Variants in PLAA observed in about 807,000 individuals in gnomAD.
PLAA encodes the protein phospholipase A2 activating protein.
In PLAA, 48 loss-of-function variants were observed where a neutral mutation model predicts 84.1. That is an observed-to-expected ratio of 0.57 (90% confidence interval 0.45 to 0.73). The LOEUF is 0.73. Among genes scored for constraint, PLAA ranks in the 30% least tolerant of loss-of-function variants. The pLI is 0.00. For missense variants in PLAA, 903 were observed against 954.7 expected (o/e 0.95, Z 0.71); for synonymous variants, 392 against 336.6 (o/e 1.16, Z -1.80).
intron 6 of PLAA, among the ~76,000 whole-genome samples, chr9:26,924,440 T>C (rs893715232): frequency 1.3e-5 from 2 of 152,164 alleles, no homozygotes; most frequent in African/African-American, 4.8e-5. Flanking sequence ...GGCCTTCTTA[T>C]TGCTTTCAAT....
chr9:26,940,892 T>A (rs1825513378), intron 1 of PLAA, among the ~76,000 whole-genome samples: 1 of 152,166 alleles, frequency 6.6e-6, no homozygotes, highest in African/African-American at 2.4e-5. Context: ...AACCATTTTA[T>A]CAATAAGCCC....
chr9:26,947,076 G>C lies in PLAA; in HGVS notation c.-31C>G. ...GTGTCTGTCTGGCGCCCGGTGCCCA[G>C]GCACTGTGCGAGACCAGTCCGCAGG... On this transcript the variant is annotated 5_prime_UTR_variant, in exon 1 of 14. Coordinates refer to ENST00000397292, the MANE Select transcript of PLAA (RefSeq NM_001031689.3). The C allele has an allele frequency of 1.3e-6, 2 of 1,541,122 alleles. No individual in the cohort carries two copies. The highest frequency in any genetic ancestry group is 1.7e-6 in the Non-Finnish European group (2 of 1,144,538).
chr9:26,924,266 G>A (rs1484225367), intron 6 of PLAA, among the ~76,000 whole-genome samples: 1 of 151,970 alleles, frequency 6.6e-6, no homozygotes, highest in East Asian at 1.9e-4. Context: ...GAGCAGCTGG[G>A]ACTACAAATG....
intron 1 of PLAA, among the ~76,000 whole-genome samples, chr9:26,935,425 T>C (rs549256595): frequency 1.6e-4 from 25 of 152,178 alleles, no homozygotes; most frequent in African/African-American, 5.6e-4. Context: ...GTTTCTTTGA[T>C]AAGAATACGT....
At position 26,947,059 on chromosome 9, in the gene PLAA, C is replaced by T. The variant is rs1254727364; in HGVS notation, c.-14G>A. 2 of 1,564,036 alleles carry T rather than the reference C, an allele frequency of 1.3e-6. No homozygotes were observed. The highest frequency in any genetic ancestry group is 1.2e-5 in the South Asian group (1 of 83,980). On this transcript the variant is annotated 5_prime_UTR_variant, in exon 1 of 14. Coordinates refer to ENST00000397292, the MANE Select transcript of PLAA (RefSeq NM_001031689.3). ...GCCGCTCGTCATGGCCAGTGTCTGT[C>T]TGGCGCCCGGTGCCCAGGCACTGTG...
rs2131367219 is a variant in PLAA, at chr9:26,910,455, A to T, written c.1556-16T>A. 1.3e-6 allele frequency: 2 copies of T among 1,566,126 alleles called. No individual in the cohort carries two copies. The highest frequency in any genetic ancestry group is 1.8e-6 in the Non-Finnish European group (2 of 1,137,332). ...GCACTATTCCCTATTTAAAGAATAG[A>T]AGATGATGATAATCACAAGGAGTGA... On this transcript the variant is annotated splice_polypyrimidine_tract_variant and intron_variant, in intron 11 of 13. Coordinates refer to ENST00000397292, the MANE Select transcript of PLAA (RefSeq NM_001031689.3).
intron 1 of PLAA, among the ~76,000 whole-genome samples, chr9:26,939,466 A>T (rs7031984): frequency 0.085 from 12,383 of 144,850 alleles, 1,258 homozygotes; most frequent in East Asian, 0.55. Context: ...GAAGACAGTA[A>T]TGCAGGAGAT....
intron 2 of PLAA, among the ~76,000 whole-genome samples, chr9:26,929,999 A>C (rs550787627): frequency 4.1e-4 from 61 of 147,620 alleles, no homozygotes; most frequent in African/African-American, 1.6e-3. Context: ...TTTCAGTCAC[A>C]CACATGTTTT....
chr9:26,928,875 G>A (rs1224293270), intron 2 of PLAA, among the ~76,000 whole-genome samples: 2 of 152,196 alleles, frequency 1.3e-5, no homozygotes, highest in Non-Finnish European at 2.9e-5. Context: ...CTTTCTTGAT[G>A]TGAAATTATG....
intron 1 of PLAA, among the ~76,000 whole-genome samples, chr9:26,944,248 T>C (rs1825623262): frequency 1.3e-5 from 2 of 152,240 alleles, no homozygotes; most frequent in Non-Finnish European, 2.9e-5. Flanking sequence ...AAGATGCCGA[T>C]ACCTTGATAA....
chr9:26,918,598 G>A (rs950263009), intron 9 of PLAA, among the ~76,000 whole-genome samples: 1 of 152,220 alleles, frequency 6.6e-6, no homozygotes, highest in Non-Finnish European at 1.5e-5. Context: ...CAAAGTCCTC[G>A]TAAAACAAGG....
At chr9:26,941,093 T>C (rs1825519410) in intron 1 of PLAA, among the ~76,000 whole-genome samples, 1 of 151,150 alleles carries the variant, frequency 6.6e-6, no homozygotes, top group Non-Finnish European at 1.5e-5. Context: ...TAGCACAATG[T>C]TTTAAATGGT....
chr9:26,936,298 A>G (rs1825356686), intron 1 of PLAA, among the ~76,000 whole-genome samples: 1 of 152,232 alleles, frequency 6.6e-6, no homozygotes, highest in Non-Finnish European at 1.5e-5. Context: ...AGCTTACAGA[A>G]AAGTAGTAAG....
intron 1 of PLAA, among the ~76,000 whole-genome samples, chr9:26,938,499 C>A (rs984572784): frequency 2.0e-5 from 3 of 148,724 alleles, no homozygotes; most frequent in African/African-American, 7.5e-5. Context: ...CTTAAGTGAG[C>A]TATGACTGTA....
At chr9:26,924,043 T>G (rs1473892085) in intron 6 of PLAA, among the ~76,000 whole-genome samples, 1 of 152,152 alleles carries the variant, frequency 6.6e-6, no homozygotes, top group Non-Finnish European at 1.5e-5. Flanking sequence ...GGAAAAAAAC[T>G]AAGCCTATAA....
chr9:26,912,539 C>T (rs1824430379), intron 11 of PLAA, among the ~76,000 whole-genome samples: 1 of 152,070 alleles, frequency 6.6e-6, no homozygotes, highest in African/African-American at 2.4e-5. Context: ...GTGACATTAG[C>T]TTGTACTAAG....
chr9:26,908,622 C>T (rs1310528933), intron 12 of PLAA, among the ~76,000 whole-genome samples: 4 of 151,990 alleles, frequency 2.6e-5, no homozygotes, highest in Admixed American at 2.0e-4. Context: ...TGCACCACCA[C>T]ACCAGCTAAT....
At chr9:26,913,761 T>C (rs567600544) in intron 11 of PLAA, 118 bp downstream of exon 11, 4 of 659,354 alleles carry the variant, frequency 6.1e-6, no homozygotes, top group Non-Finnish European at 7.7e-6. Flanking sequence ...TTGGTCTCGA[T>C]TTACTATATA....
chr9:26,921,683 C>T (rs2131383834), intron 7 of PLAA, among the ~76,000 whole-genome samples: 1 of 152,340 alleles, frequency 6.6e-6, no homozygotes, highest in African/African-American at 2.4e-5. Context: ...CTAAAATCCA[C>T]TGGTCTATCT....
Sources: gnomAD v4.1 joint callset for allele counts (sites outside exome capture counted in the v4.1 genomes callset) on GRCh38, gnomAD v4.1.1 for gene constraint, MANE v1.5 for transcripts, NCBI Gene and HGNC (gene_info 2026-07-23, HGNC 2026-07-21) for gene names.